Variants in C8orf76 observed in about 807,000 individuals in gnomAD.
C8orf76 encodes uncharacterized protein C8orf76.
C8orf76 carries 46 observed loss-of-function variants against 38.1 expected under a neutral mutation model. That is an observed-to-expected ratio of 1.21 (90% CI 0.95 to 1.54). The LOEUF (loss-of-function observed/expected upper bound fraction) is 1.54, where lower values mean the gene tolerates loss of function less well. Ranked by LOEUF, C8orf76 falls within the 40% of genes most tolerant of loss-of-function variation. The pLI is 0.00. For missense variants in C8orf76, 461 were observed against 441.6 expected, an observed-to-expected ratio of 1.04 and a Z score of -0.39; for synonymous variants, 166 against 167.5, an observed-to-expected ratio of 0.99 and a Z score of 0.07.
At chr8:123,228,408 G>A (rs556011325) in intron 4 of C8orf76, among the ~76,000 whole-genome samples, 77 of 152,046 alleles carry the variant, frequency 5.1e-4, no homozygotes, top group South Asian at 1.2e-3. Flanking sequence ...ATCACCTGAG[G>A]TCGGGAATTC....
At position 123,231,488 on chromosome 8, in the gene C8orf76, T is replaced by A; in HGVS notation, c.627A>T (p.Gly209=). The change falls in exon 4 of 6, where the codon GGA becomes GGT. Residue 209 remains glycine (G), a synonymous_variant. Transcript: ENST00000276704. ...KTIKSFFPHS[G]KDCLLCFPET... ...CAGGAAAACACAAAAGACAGTCTTT[T>A]CCTGAGTGTGGAAAGAAGGATTTGA... is the stretch of plus-strand genomic sequence containing the variant. The A allele has an allele frequency of 6.2e-7, 1 of 1,614,212 alleles. No individual in the cohort carries two copies. Among genetic ancestry groups the A allele is most frequent in the Non-Finnish European group, 8.5e-7 (1 of 1,180,044 alleles).
At chr8:123,228,865 G>C (rs1424051304) in intron 4 of C8orf76, among the ~76,000 whole-genome samples, 3 of 152,198 alleles carry the variant, frequency 2.0e-5, no homozygotes, top group Non-Finnish European at 4.4e-5. Context: ...TACAACCCCA[G>C]GAAGCAGGCA....
At chr8:123,228,347 G>A (rs761143662) in intron 4 of C8orf76, among the ~76,000 whole-genome samples, 13 of 152,080 alleles carry the variant, frequency 8.5e-5, no homozygotes, top group Non-Finnish European at 1.5e-4. Context: ...TTGGCCAGGC[G>A]CGGTGGCTCA....
Position 123,231,322 on chromosome 8 carries a change from A to G in C8orf76, c.793T>C (p.Cys265Arg), listed in dbSNP as rs775599408. 1.9e-6 allele frequency: 3 copies of G among 1,611,062 alleles called. No homozygotes were observed. The highest frequency in any genetic ancestry group is 2.2e-5 in the South Asian group (2 of 90,528). Residue 265 changes from cysteine (C) to arginine (R), a missense_variant, in exon 4 of 6, where the codon TGT (cysteine) becomes CGT (arginine). Physicochemically the swap from Cys to Arg is radical, Grantham distance 180. Transcript: ENST00000276704. Reference sequence around the variant, plus strand: ...TACCTGGTTCGTATAAAAGAGGCACATGCTTTCAGCTGAGTCTCTATCAAC... The same window carrying G: ...TACCTGGTTCGTATAAAAGAGGCACGTGCTTTCAGCTGAGTCTCTATCAAC... ...TVLIETQLKA[C>R]ASFIRTRLLL...
intron 5 of C8orf76, among the ~76,000 whole-genome samples, chr8:123,223,603 G>A (rs1021688869): frequency 5.3e-5 from 8 of 151,980 alleles, no homozygotes; most frequent in Admixed American, 1.3e-4. Context: ...GCAAGACTCC[G>A]TCTCAAACAA....
chr8:123,233,084 G>A (rs1302044861), intron 3 of C8orf76, among the ~76,000 whole-genome samples: 3 of 151,792 alleles, frequency 2.0e-5, no homozygotes, highest in South Asian at 2.1e-4. Context: ...GCAATGGTGC[G>A]ATCTCAGCTC....
intron 5 of C8orf76, among the ~76,000 whole-genome samples, chr8:123,223,002 T>G (rs1824930377): frequency 6.6e-6 from 1 of 152,244 alleles, no homozygotes; most frequent in Admixed American, 6.5e-5. Context: ...TCTAATAATC[T>G]GTTCCAAAAG....
chr8:123,226,193 A>G, intron 5 of C8orf76: 1 of 1,188,462 alleles, frequency 8.4e-7, no homozygotes, highest in Non-Finnish European at 1.0e-6. Context: ...CACAAATGTA[A>G]GCATTCATTC....
At chr8:123,238,863 A>G (rs1825587224) in intron 2 of C8orf76, 186 bp downstream of exon 2, 1 of 557,996 alleles carries the variant, frequency 1.8e-6, no homozygotes, top group Non-Finnish European at 3.1e-6. Flanking sequence ...AGTTACAGAA[A>G]ACAAACAAAT....
intron 5 of C8orf76, among the ~76,000 whole-genome samples, chr8:123,222,668 TTGACA>T (rs1824920689): frequency 6.6e-6 from 1 of 152,176 alleles, no homozygotes; most frequent in African/African-American, 2.4e-5. Context: ...GACTAGGCAT[TTGACA>T]TGATACAAAT....
intron 5 of C8orf76, among the ~76,000 whole-genome samples, chr8:123,221,498 C>T (rs771478397): frequency 2.0e-5 from 3 of 152,162 alleles, no homozygotes; most frequent in Non-Finnish European, 2.9e-5. Flanking sequence ...TACAGTGGTG[C>T]GATCTTGGCT....
In C8orf76 at chr8:123,231,684, T is replaced by G. The variant is rs772402528; in HGVS notation, c.431A>C (p.Gln144Pro). The change falls in exon 4 of 6, where the codon CAG (glutamine) becomes CCG (proline). Residue 144 changes from glutamine (Q) to proline (P), a missense_variant. By Grantham distance (76) the Gln-to-Pro change is moderately conservative (BLOSUM62 -1). Coordinates refer to ENST00000276704, the MANE Select transcript of C8orf76 (RefSeq NM_032847.3). The part of the protein sequence containing the change: ...YLQLAICSSL[Q>P]NLEKTIFCLQ... ...GCAGAAAATTGTTTTCTCCAAGTTC[T>G]GCAAACTTGAACAAATAGCAAGCTG... 6.2e-7 allele frequency: 1 copy of G among 1,613,910 alleles called. No individual in the cohort carries two copies.
chr8:123,237,718 G>C, intron 3 of C8orf76, 80 bp downstream of exon 3: 2 of 1,484,088 alleles, frequency 1.3e-6, no homozygotes, highest in Non-Finnish European at 1.8e-6. Flanking sequence ...CTAGCAAGAA[G>C]TTTGTTTTGT....
At chr8:123,232,304 T>C (rs1254553130) in intron 3 of C8orf76, among the ~76,000 whole-genome samples, 1 of 152,268 alleles carries the variant, frequency 6.6e-6, no homozygotes, top group Non-Finnish European at 1.5e-5. Flanking sequence ...TCCAAATGCC[T>C]TCCCTGGTAA....
Position 123,237,835 on chromosome 8 carries a change from C to T in C8orf76, c.320G>A (p.Gly107Asp), listed in dbSNP as rs1196108410. 1 of 1,614,016 alleles carries T rather than the reference C, an allele frequency of 6.2e-7. No homozygotes were observed. Among genetic ancestry groups the T allele is most frequent in the Non-Finnish European group, 8.5e-7 (1 of 1,179,972 alleles). ...AATCTCCAGCGCCTCCATATGCCTA[C>T]CCAGGTGAGCCAGACACCGAGCCTG... ...EGQARCLAHL[G>D]RHMEALEIAA... The change falls in exon 3 of 6, where the codon GGT becomes GAT. Residue 107 changes from glycine to aspartate, a missense_variant. Gly to Asp is a moderately conservative substitution (Grantham distance 94). Transcript: ENST00000276704.
rs534822104 is a variant in C8orf76 at position 123,226,341 on chromosome 8, G to A, written c.948+159C>T. 4.9e-5 allele frequency: 72 copies of A among 1,468,528 alleles called. No homozygotes were observed. The Admixed American group carries it at 6.0e-4, about 12-fold the overall frequency. The allele number at this position is 1,468,528 out of a possible 1,614,324, so 91.0% of individuals were successfully genotyped here. ...CGCTGCAGGGGAATGCCGATCAAGA[G>A]GCCGCCTTGGTGATTGCTGAGTGAT... On this transcript the variant is annotated intron_variant, in intron 5 of 5. Transcript: ENST00000276704.
intron 5 of C8orf76, among the ~76,000 whole-genome samples, chr8:123,225,634 TAA>T (rs1209117660): frequency 6.6e-6 from 1 of 152,036 alleles, no homozygotes; most frequent in Non-Finnish European, 1.5e-5. Flanking sequence ...CTCTCAGAAG[TAA>T]AAGGAAGAGA....
In C8orf76 at chr8:123,237,650, A is replaced by G. The variant is rs997886449; in HGVS notation, c.357+148T>C. On this transcript the variant is annotated intron_variant, in intron 3 of 5. Coordinates refer to ENST00000276704, the MANE Select transcript of C8orf76 (RefSeq NM_032847.3). The stretch of plus-strand genomic sequence containing the variant: ...TAGGTTCCAAGTTGTTCATCATAAT[A>G]AAACTCTCACACCCCTGACAATTTT... 9.4e-6 allele frequency: 11 copies of G among 1,169,146 alleles called. No homozygotes were observed. In the Middle Eastern group the frequency reaches 6.4e-4, roughly 68 times the overall value. 72.4% of individuals were successfully genotyped at this position (1,169,146 alleles called of 1,614,324 possible). A position where few individuals can be genotyped will look rare whatever the true frequency, so the allele number is the denominator to read the frequency against.
chr8:123,237,784 A>G lies in C8orf76; in HGVS notation c.357+14T>C, dbSNP rs200547419. 6.2e-7 allele frequency: 1 copy of G among 1,607,342 alleles called. No homozygotes were observed. The highest frequency in any genetic ancestry group is 2.2e-5 in the East Asian group (1 of 44,816). On this transcript the variant is annotated intron_variant, in intron 3 of 5. Coordinates refer to ENST00000276704, the MANE Select transcript of C8orf76 (RefSeq NM_032847.3). ...ATAGGAATGTGTGTGAAAATAAGCAATAAAATCACTCACCAAGTTTGCAGC... is the reference window on the plus strand; with the variant it reads ...ATAGGAATGTGTGTGAAAATAAGCAGTAAAATCACTCACCAAGTTTGCAGC...
Sources: gnomAD v4.1 joint callset for allele counts (sites outside exome capture counted in the v4.1 genomes callset) on GRCh38, gnomAD v4.1.1 for gene constraint, MANE v1.5 for transcripts, NCBI Gene and HGNC (gene_info 2026-07-23, HGNC 2026-07-21) for gene names.